Variants in ADGRL2 observed in about 807,000 individuals in gnomAD.
ADGRL2 encodes calcium-independent alpha-latrotoxin receptor 2.
Under a neutral mutation model 157.4 loss-of-function variants are expected in ADGRL2, and 44 were observed. The observed-to-expected ratio is 0.28, with a 90% CI of 0.22 to 0.36. The LOEUF is 0.36. Ranked by LOEUF, ADGRL2 falls within the 10% of genes least tolerant of loss-of-function variation. ADGRL2 has a pLI of 1.00. For synonymous variants in ADGRL2, 585 were observed against 624.7 expected, an observed-to-expected ratio of 0.94 and a Z score of 0.95; for missense variants, 1,510 against 1,768.9, an observed-to-expected ratio of 0.85 and a Z score of 2.63.
chr1:81,953,710 A>G (rs1028613798), intron 10 of ADGRL2, among the ~76,000 whole-genome samples: 4 of 152,178 alleles, frequency 2.6e-5, no homozygotes, highest in Non-Finnish European at 5.9e-5. Context: ...TCTGTGTGAT[A>G]GATCAAAATA....
chr1:81,361,472 C>A (rs908453796), intron 1 of ADGRL2, among the ~76,000 whole-genome samples: 1 of 151,924 alleles, frequency 6.6e-6, no homozygotes, highest in Non-Finnish European at 1.5e-5. Flanking sequence ...TTATTCTAAG[C>A]AGGGTGGTCA....
intron 11 of ADGRL2, among the ~76,000 whole-genome samples, chr1:81,961,697 A>AG (rs1233006549): frequency 2.6e-5 from 4 of 151,818 alleles, no homozygotes; most frequent in African/African-American, 4.8e-5. Context: ...TTTAGTAGAG[A>AG]GGGGGTTTCA....
At chr1:81,778,389 TA>T (rs1335130505) in intron 2 of ADGRL2, among the ~76,000 whole-genome samples, 4 of 151,938 alleles carry the variant, frequency 2.6e-5, no homozygotes, top group African/African-American at 7.3e-5. Context: ...AGGACATAAA[TA>T]AAGTCCTTAT....
chr1:81,990,297 C>T, intron 23 of ADGRL2, 94 bp from the exon 24 acceptor site: 1 of 1,522,058 alleles, frequency 6.6e-7, no homozygotes, highest in Non-Finnish European at 8.8e-7. Flanking sequence ...ACAACTTTGT[C>T]CTGAACGACA....
intron 7 of ADGRL2, 56 bp from the exon 8 acceptor site, chr1:81,950,962 G>T: frequency 9.2e-7 from 1 of 1,081,544 alleles, no homozygotes; most frequent in South Asian, 1.3e-5. Flanking sequence ...GCTGATTCCC[G>T]AATGCATGCA....
At chr1:81,864,587 C>G (rs2093480618) in intron 2 of ADGRL2, among the ~76,000 whole-genome samples, 1 of 152,112 alleles carries the variant, frequency 6.6e-6, no homozygotes, top group Non-Finnish European at 1.5e-5. Context: ...GTTTTAATCA[C>G]CATAAATATA....
Position 81,942,791 on chromosome 1 carries a change from A to T in ADGRL2, c.410-178A>T, listed in dbSNP as rs746800345. 8.9e-6 allele frequency: 6 copies of T among 677,160 alleles called. No individual in the cohort carries two copies. The Admixed American group carries it at 1.3e-4, about 14-fold the overall frequency. The allele number at this position is 677,160 out of a possible 1,614,324, so 41.9% of individuals were successfully genotyped here. A position where few individuals can be genotyped will look rare whatever the true frequency, so the allele number is the denominator to read the frequency against. On this transcript the variant is annotated intron_variant, in intron 5 of 23. Transcript: ENST00000686636. ...TAAACTTCAGTTACTTTGTACCCTGATACACTGATTATGCTAACTTTAGAA... is the reference window on the plus strand; with the variant it reads ...TAAACTTCAGTTACTTTGTACCCTGTTACACTGATTATGCTAACTTTAGAA...
At position 81,783,350 on chromosome 1, in the gene ADGRL2, G is replaced by T. The variant is rs142330305; in HGVS notation, c.-101+21498G>T. 5.7e-3 allele frequency among the ~76,000 whole-genome samples: 859 copies of T among 151,726 alleles called. 8 individuals are homozygous for T. Among genetic ancestry groups the T allele is most frequent in the South Asian group, 0.013 (64 of 4,806 alleles). ...TCACCGTGTTGCCCATGCTGGTCTC[G>T]AACTCCTGAATTTAGGTAATCCACC... On this transcript the variant is annotated intron_variant, in intron 2 of 20. Coordinates refer to the ADGRL2 transcript ENST00000359929.
chr1:81,825,503 C>G (rs1187883357), intron 1 of ADGRL2, among the ~76,000 whole-genome samples: 1 of 151,748 alleles, frequency 6.6e-6, no homozygotes, highest in East Asian at 1.9e-4. Flanking sequence ...CATACGCCAC[C>G]ATGCCTAATT....
Position 81,943,456 on chromosome 1 carries a change from T to G in ADGRL2, c.897T>G (p.Thr299=), listed in dbSNP as rs1305929046. 3 of 1,613,586 alleles carry G rather than the reference T, an allele frequency of 1.9e-6. No homozygotes were observed. The African/African-American group carries it at 4.0e-5, about 22-fold the overall frequency. The change falls in exon 6 of 24, where the codon ACT becomes ACG. Residue 299 remains threonine (T), a synonymous_variant. Coordinates refer to ENST00000686636, the MANE Select transcript of ADGRL2 (RefSeq NM_001366006.2). The surrounding 1 kb of genome is among the most constrained non-coding windows in gnomAD (Gnocchi z 5.6). ...MIVISQLNPY[T]LRFEATWETV... is the part of the protein sequence containing the mutation. ...TTATTAGCCAGCTGAATCCATACACTCTTCGATTTGAAGCAACGTGGGAGA... is the reference window on the plus strand; with the variant it reads ...TTATTAGCCAGCTGAATCCATACACGCTTCGATTTGAAGCAACGTGGGAGA...
At chr1:81,325,150 G>A (rs759345146) in intron 1 of ADGRL2, among the ~76,000 whole-genome samples, 27 of 152,184 alleles carry the variant, frequency 1.8e-4, no homozygotes, top group Non-Finnish European at 3.4e-4. Context: ...ATTGCTTTGT[G>A]TTCTGTAGAA....
chr1:81,869,793 T>A (rs1214293943), intron 2 of ADGRL2, among the ~76,000 whole-genome samples: 3 of 152,050 alleles, frequency 2.0e-5, no homozygotes, highest in Non-Finnish European at 2.9e-5. Flanking sequence ...CGTGTTAAGT[T>A]TTTTTTAATT....
At chr1:81,885,847 G>A (rs2094116488) in intron 2 of ADGRL2, among the ~76,000 whole-genome samples, 1 of 152,160 alleles carries the variant, frequency 6.6e-6, no homozygotes, top group Non-Finnish European at 1.5e-5. Context: ...CCCTGTTACT[G>A]TTGTTTATGT....
chr1:81,792,689 A>G (rs1352548238), intron 2 of ADGRL2, among the ~76,000 whole-genome samples: 1 of 152,094 alleles, frequency 6.6e-6, no homozygotes, highest in Non-Finnish European at 1.5e-5. Context: ...ATACATAAAC[A>G]TATACACATA....
chr1:81,642,492 A>C (rs1011535484), intron 3 of ADGRL2, among the ~76,000 whole-genome samples: 1 of 152,030 alleles, frequency 6.6e-6, no homozygotes, highest in African/African-American at 2.4e-5. Context: ...TACAAAAAGA[A>C]ATAGAAATTT....
intron 1 of ADGRL2, among the ~76,000 whole-genome samples, chr1:81,334,513 T>C (rs1257360623): frequency 6.6e-6 from 1 of 152,214 alleles, no homozygotes; most frequent in African/African-American, 2.4e-5. Context: ...TTAGTGGCTT[T>C]AAAAATGCCA....
intron 2 of ADGRL2, among the ~76,000 whole-genome samples, chr1:81,845,851 A>T (rs1481280361): frequency 1.3e-5 from 2 of 151,818 alleles, no homozygotes; most frequent in Admixed American, 1.3e-4. Flanking sequence ...AATTGTCAAG[A>T]TATTGTTACA....
chr1:81,723,207 C>A (rs2084395222), intron 1 of ADGRL2: 1 of 449,634 alleles, frequency 2.2e-6, no homozygotes, highest in Non-Finnish European at 4.0e-6. Flanking sequence ...TAATCCCTAC[C>A]CTTCTCCCCC....
chr1:81,339,044 C>T (rs1661862967), intron 1 of ADGRL2, among the ~76,000 whole-genome samples: 1 of 152,220 alleles, frequency 6.6e-6, no homozygotes, highest in South Asian at 2.1e-4. Flanking sequence ...TTTACTCTCT[C>T]TCTTGAATGT....
Sources: gnomAD v4.1 joint callset for allele counts (sites outside exome capture counted in the v4.1 genomes callset) on GRCh38, gnomAD v4.1.1 for gene constraint, Gnocchi (gnomAD v3.1) non-coding constraint, MANE v1.5 for transcripts, NCBI Gene and HGNC (gene_info 2026-07-23, HGNC 2026-07-21) for gene names.